Variants in FCGR3B observed in about 807,000 individuals in gnomAD.
FCGR3B encodes the protein Fc gamma receptor IIIb.
Under a neutral mutation model 26.7 loss-of-function variants are expected in FCGR3B, and 20 were observed. The ratio of observed to expected loss-of-function variants is 0.75; its 90% CI spans 0.53 to 1.09. FCGR3B has a LOEUF of 1.09. Ranked by LOEUF, FCGR3B falls within the 50% of genes least tolerant of loss-of-function variation. The pLI is 0.00. For synonymous variants in FCGR3B, 79 were observed against 107.0 expected (o/e 0.74, Z 1.62); for missense variants, 191 against 279.7 (o/e 0.68, Z 2.26).
rs567460059 is a variant in FCGR3B at position 161,623,350 on chromosome 1, G to T, written c.*1165C>A. The T allele has an allele frequency of 6.6e-6, 1 of 150,594 alleles. No individual in the cohort carries two copies. Among genetic ancestry groups the T allele is most frequent in the South Asian group, 2.1e-4 (1 of 4,720 alleles). 9.3% of individuals were successfully genotyped at this position (150,594 alleles called of 1,614,324 possible). A position where few individuals can be genotyped will look rare whatever the true frequency, so the allele number is the denominator to read the frequency against. Reference sequence around the variant, plus strand: ...AAGCTTTCTTTCATAAGCAACAATTGTCTTCTCCATCCCCACCTCATTGGA... The same window carrying T: ...AAGCTTTCTTTCATAAGCAACAATTTTCTTCTCCATCCCCACCTCATTGGA... On this transcript the variant is annotated 3_prime_UTR_variant, in exon 5 of 5. Coordinates refer to ENST00000650385, the MANE Select transcript of FCGR3B (RefSeq NM_001244753.2).
In FCGR3B at chr1:161,627,225, TAA is replaced by T. The variant is rs202066026; in HGVS notation, c.320-825_320-824del. ...TAAGAAAATATTCATGAGACAATGT[TAA>T]GTTAAAAAAGCATAATACTTCAAAT... On this transcript the variant is annotated intron_variant, in intron 3 of 4. Transcript: ENST00000650385. Among the ~76,000 whole-genome samples, 1,384 of 150,220 alleles carry T rather than the reference TAA, an allele frequency of 9.2e-3. 102 individuals carry two copies. Among genetic ancestry groups the T allele is most frequent in the African/African-American group, 0.032 (1,272 of 40,354 alleles).
chr1:161,628,212 G>A lies in FCGR3B; in HGVS notation c.319+1566C>T, dbSNP rs564694663. Among the ~76,000 whole-genome samples, 16 of 150,176 alleles carry A rather than the reference G, an allele frequency of 1.1e-4. No individual in the cohort carries two copies. In the South Asian group the frequency reaches 3.4e-3, roughly 32 times the overall value. ...CGCTGGAACCAGGGAGGTGGAGGTT[G>A]CAGTGAACCAAGATTGCGCCACTGC... is the stretch of plus-strand genomic sequence containing the variant. On this transcript the variant is annotated intron_variant, in intron 3 of 4. Coordinates refer to ENST00000650385, the MANE Select transcript of FCGR3B (RefSeq NM_001244753.2).
At chr1:161,627,264 T>C (rs1570983528) in intron 3 of FCGR3B, among the ~76,000 whole-genome samples, 1 of 150,306 alleles carries the variant, frequency 6.7e-6, no homozygotes, top group East Asian at 1.9e-4. Flanking sequence ...TTTTAAAAAG[T>C]ATTATGCACA....
rs758058086 is a variant in FCGR3B at position 161,626,177 on chromosome 1, G to C, written c.545C>G (p.Ser182Cys). The change falls in exon 4 of 5, where the codon TCT (serine) becomes TGT (cysteine). Residue 182 changes from serine (S) to cysteine (C), a missense_variant. Ser to Cys is a moderately radical substitution (Grantham distance 112). This residue lies in a region of FCGR3B where 103 missense variants were observed against 114.5 expected (regional missense o/e 0.90). Coordinates refer to ENST00000650385, the MANE Select transcript of FCGR3B (RefSeq NM_001244753.2). ...CRGLVGSKNV[S>C]SETVNITITQ... Reference sequence around the variant, plus strand: ...GATGGTGATGTTCACAGTCTCTGAAGACACATTTTTACTCCCAACAAGCCC... The same window carrying C: ...GATGGTGATGTTCACAGTCTCTGAACACACATTTTTACTCCCAACAAGCCC... 4 of 1,609,630 alleles carry C rather than the reference G, an allele frequency of 2.5e-6. No homozygotes were observed. Among genetic ancestry groups the C allele is most frequent in the Non-Finnish European group, 3.4e-6 (4 of 1,178,310 alleles).
intron 4 of FCGR3B, among the ~76,000 whole-genome samples, chr1:161,625,900 C>G (rs1379424024): frequency 6.8e-6 from 1 of 147,642 alleles, no homozygotes; most frequent in African/African-American, 2.6e-5. Context: ...GGCTTCTGCT[C>G]CTGCCATCAT....
At chr1:161,626,122 T>A in intron 4 of FCGR3B, 23 bp downstream of exon 4, 1 of 1,603,536 alleles carries the variant, frequency 6.2e-7, no homozygotes, top group Non-Finnish European at 8.5e-7. Context: ...TCCCTGGGCA[T>A]TCCAGGGTGG....
At position 161,629,989 on chromosome 1, in the gene FCGR3B, G is replaced by A. The variant is rs200688856; in HGVS notation, c.108C>T (p.Ser36=). Residue 36 remains serine (S), a synonymous_variant, in exon 3 of 5, where the codon AGC becomes AGT. Transcript: ENST00000650385. Reference sequence around the variant, plus strand: ...GAGTCACACTGTCCTTCTCAAGCACGCTGTACCATTGAGGCTCCAGGAACA... The same window carrying A: ...GAGTCACACTGTCCTTCTCAAGCACACTGTACCATTGAGGCTCCAGGAACA... The part of the protein sequence containing the change: ...AVVFLEPQWY[S]VLEKDSVTLK... 2.8e-5 allele frequency: 38 copies of A among 1,363,282 alleles called. 10 individuals are homozygous for A. The highest frequency in any genetic ancestry group is 1.9e-4 in the Middle Eastern group (1 of 5,270). The allele number at this position is 1,363,282 out of a possible 1,614,324, so 84.4% of individuals were successfully genotyped here. A position where few individuals can be genotyped will look rare whatever the true frequency, so the allele number is the denominator to read the frequency against.
At chr1:161,631,533 C>T (rs74127078), upstream of FCGR3B, 7,212 of 448,372 alleles carry the variant, frequency 0.016, 842 homozygotes, top group African/African-American at 0.13. Flanking sequence ...TGCATTTCAC[C>T]TCAGAACTTC....
rs1679295576 is a variant in FCGR3B, at chr1:161,623,349, T to C, written c.*1166A>G. On this transcript the variant is annotated 3_prime_UTR_variant, in exon 5 of 5. Transcript: ENST00000650385. ...AAAGCTTTCTTTCATAAGCAACAAT[T>C]GTCTTCTCCATCCCCACCTCATTGG... 6.6e-6 allele frequency: 1 copy of C among 150,552 alleles called. No homozygotes were observed. The highest frequency in any genetic ancestry group is 2.1e-4 in the South Asian group (1 of 4,730). The allele number at this position is 150,552 out of a possible 1,614,324, so 9.3% of individuals were successfully genotyped here.
At chr1:161,624,766 G>T in intron 4 of FCGR3B, 127 bp from the exon 5 acceptor site, 1 of 924,202 alleles carries the variant, frequency 1.1e-6, no homozygotes, top group Non-Finnish European at 1.6e-6. Flanking sequence ...GAATGGTGGG[G>T]AGGTCTGGGG....
rs1186734326 is a variant in FCGR3B, at chr1:161,624,384, G to A, written c.*131C>T. On this transcript the variant is annotated 3_prime_UTR_variant, in exon 5 of 5. Coordinates refer to ENST00000650385, the MANE Select transcript of FCGR3B (RefSeq NM_001244753.2). Reference sequence around the variant, plus strand: ...TGTAGAGAGGCCTGAGGATGATGGGGTTGCAAATCCAGAGAAATGTTCAGA... The same window carrying A: ...TGTAGAGAGGCCTGAGGATGATGGGATTGCAAATCCAGAGAAATGTTCAGA... 1.2e-5 allele frequency: 13 copies of A among 1,110,390 alleles called. 2 individuals are homozygous for A. The African/African-American group carries it at 2.1e-4, about 18-fold the overall frequency. 68.8% of individuals were successfully genotyped at this position (1,110,390 alleles called of 1,614,324 possible).
intron 1 of FCGR3B, 77 bp downstream of exon 1, chr1:161,630,978 T>A (rs1201691166): frequency 2.6e-6 from 4 of 1,514,540 alleles, no homozygotes; most frequent in Middle Eastern, 2.4e-4. Context: ...GGAGTCTCAT[T>A]CGTAGCCTGA....
rs1679343036 is a variant in FCGR3B at position 161,624,186 on chromosome 1, G to T, written c.*329C>A. On this transcript the variant is annotated 3_prime_UTR_variant, in exon 5 of 5. Coordinates refer to ENST00000650385, the MANE Select transcript of FCGR3B (RefSeq NM_001244753.2). ...ATTGTTGCTTTGCTGTGAGGGAATG[G>T]TTGGGACAGAAAAAGTGTTTGTGTA... 6.7e-6 allele frequency: 2 copies of T among 296,922 alleles called. No individual in the cohort carries two copies. The highest frequency in any genetic ancestry group is 1.1e-4 in the East Asian group (2 of 17,592). 18.4% of individuals were successfully genotyped at this position (296,922 alleles called of 1,614,324 possible).
In FCGR3B at chr1:161,624,339, G is replaced by A. The variant is rs1219709880; in HGVS notation, c.*176C>T. 1 of 760,176 alleles carries A rather than the reference G, an allele frequency of 1.3e-6. No individual in the cohort carries two copies. The highest frequency in any genetic ancestry group is 2.6e-5 in the East Asian group (1 of 38,844). The allele number at this position is 760,176 out of a possible 1,614,324, so 47.1% of individuals were successfully genotyped here. ...AGTTGGATAAAGGATCTGGCTCTGA[G>A]TTCTATGTTTCCTGCTGCTTGTAGA... On this transcript the variant is annotated 3_prime_UTR_variant, in exon 5 of 5. Coordinates refer to ENST00000650385, the MANE Select transcript of FCGR3B (RefSeq NM_001244753.2).
intron 3 of FCGR3B, among the ~76,000 whole-genome samples, chr1:161,628,142 A>G (rs1269980722): frequency 2.0e-5 from 3 of 149,860 alleles, no homozygotes; most frequent in Non-Finnish European, 4.4e-5. Context: ...GCGTGGTGGC[A>G]TGCACCTGTA....
intron 3 of FCGR3B, among the ~76,000 whole-genome samples, chr1:161,628,972 C>G (rs1408453726): frequency 8.0e-6 from 1 of 124,228 alleles, no homozygotes; most frequent in African/African-American, 3.0e-5. Flanking sequence ...ATCACATTAC[C>G]AAATTTATGC....
In FCGR3B at chr1:161,623,679, G is replaced by A. The variant is rs544662277; in HGVS notation, c.*836C>T. ...GTTCTGTTCACTTAGCTTAACTTGA[G>A]ACAGTGACACAGGGTTTGTTCTGTA... On this transcript the variant is annotated 3_prime_UTR_variant, in exon 5 of 5. Transcript: ENST00000650385. 6.7e-6 allele frequency: 1 copy of A among 148,668 alleles called. No homozygotes were observed. The highest frequency in any genetic ancestry group is 1.9e-4 in the East Asian group (1 of 5,260). 9.2% of individuals were successfully genotyped at this position (148,668 alleles called of 1,614,324 possible).
At chr1:161,625,576 G>A (rs1056797026) in intron 4 of FCGR3B, among the ~76,000 whole-genome samples, 4 of 139,080 alleles carry the variant, frequency 2.9e-5, no homozygotes, top group Non-Finnish European at 6.1e-5. Context: ...CAAACCAGGT[G>A]CATGTAAAGA....
Position 161,624,603 on chromosome 1 carries a change from G to T in FCGR3B, c.614C>A (p.Pro205His), listed in dbSNP as rs1679370764. The change falls in exon 5 of 5, where the codon CCT becomes CAT. Residue 205 changes from proline to histidine, a missense_variant. Transcript: ENST00000650385. Reference protein sequence around the residue: ...AVSTISSFSPPGYQVSFCLVM... With the variant: ...AVSTISSFSPHGYQVSFCLVM... ...CAAGCAGAAAGAGACTTGGTACCCA[G>T]GTGGAGAGAATGATGAGATGGTTGA... is the stretch of plus-strand genomic sequence containing the variant. The T allele has an allele frequency of 6.2e-7, 1 of 1,606,732 alleles. No homozygotes were observed. The highest frequency in any genetic ancestry group is 8.5e-7 in the Non-Finnish European group (1 of 1,176,816).
Sources: allele counts gnomAD v4.1 joint callset (sites outside exome capture counted in the v4.1 genomes callset), GRCh38; gene constraint gnomAD v4.1.1; regional missense constraint gnomAD v4.1.1; transcripts MANE v1.5; gene names NCBI Gene and HGNC (gene_info 2026-07-23, HGNC 2026-07-21).